The following ATP1A1 variants were observed in gnomAD, a reference collection of about 807,000 sequenced individuals.
The protein encoded by ATP1A1 is ATPase Na+/K+ transporting subunit alpha 1.
A neutral mutation model predicts 114.8 loss-of-function variants in ATP1A1; 14 were observed. That is an observed-to-expected ratio of 0.12 (90% CI 0.08 to 0.19). The LOEUF (loss-of-function observed/expected upper bound fraction) is 0.19, where lower values mean the gene tolerates loss of function less well. ATP1A1 is among the 10% of genes least tolerant of loss of function. The pLI is 1.00. For synonymous variants in ATP1A1, 471 were observed against 466.3 expected, an observed-to-expected ratio of 1.01 and a Z score of -0.13; for missense variants, 524 against 1,290.7, an observed-to-expected ratio of 0.41 and a Z score of 9.10.
In ATP1A1 at chr1:116,398,105, A is replaced by T; in HGVS notation, c.2124+67A>T. On this transcript the variant is annotated intron_variant, in intron 15 of 22. Transcript: ENST00000295598. The surrounding 1 kb of genome is among the most constrained non-coding windows in gnomAD (Gnocchi z 6.1). ...CTTTAGGGATTGGAGTTCCAGTGGAAACAGAGCAACGGTGATGGATGGATG... is the reference window on the plus strand; with the variant it reads ...CTTTAGGGATTGGAGTTCCAGTGGATACAGAGCAACGGTGATGGATGGATG... 1.9e-6 allele frequency: 3 copies of T among 1,583,840 alleles called. No individual in the cohort carries two copies. Among genetic ancestry groups the T allele is most frequent in the Middle Eastern group, 3.8e-4 (2 of 5,248 alleles).
chr1:116,378,965 T>C (rs752097869), intron 1 of ATP1A1, among the ~76,000 whole-genome samples: 2 of 152,228 alleles, frequency 1.3e-5, no homozygotes, highest in Non-Finnish European at 2.9e-5. Context: ...AATTTTCCAT[T>C]GAAGAAACTG....
In ATP1A1 at chr1:116,388,644, C is replaced by T; in HGVS notation, c.508C>T (p.Leu170Phe). The T allele has an allele frequency of 6.2e-7, 1 of 1,614,048 alleles. No individual in the cohort carries two copies. The highest frequency in any genetic ancestry group is 8.5e-7 in the Non-Finnish European group (1 of 1,179,994). ...SFKNMVPQQA[L>F]VIRNGEKMSI... ...AATTGTTTCTTTTCCAAAGCAAGCC[C>T]TTGTGATTCGAAATGGTGAGAAAAT... is the stretch of plus-strand genomic sequence containing the variant. The change falls in exon 6 of 23, where the codon CTT becomes TTT. Residue 170 changes from leucine to phenylalanine, a missense_variant. Transcript: ENST00000295598. This position sits in a 1 kb window ranked among gnomAD's most constrained non-coding sequence, Gnocchi z 5.6.
rs778162322 is a variant in ATP1A1 at position 116,387,788 on chromosome 1, C to T, written c.387+297C>T. Among the ~76,000 whole-genome samples, 10 of 152,224 alleles carry T rather than the reference C, an allele frequency of 6.6e-5. No homozygotes were observed. The highest frequency in any genetic ancestry group is 9.6e-5 in the African/African-American group (4 of 41,468). On this transcript the variant is annotated intron_variant, in intron 4 of 22. Coordinates refer to ENST00000295598, the MANE Select transcript of ATP1A1 (RefSeq NM_000701.8). This position sits in a 1 kb window ranked among gnomAD's most constrained non-coding sequence, Gnocchi z 6.7. ...CCACCCACTGGATGGCAGAGCACAGCGATTCATGTTGGCACATCCACCTGT... is the reference window on the plus strand; with the variant it reads ...CCACCCACTGGATGGCAGAGCACAGTGATTCATGTTGGCACATCCACCTGT...
intron 21 of ATP1A1, 100 bp from the exon 22 acceptor site, chr1:116,403,784 C>T (rs1459894538): frequency 9.5e-7 from 1 of 1,052,460 alleles, no homozygotes; most frequent in Non-Finnish European, 1.4e-6. Flanking sequence ...CTTCTCCTTT[C>T]AGGCTGATTA....
chr1:116,396,177 C>G (rs1413822488), intron 13 of ATP1A1, among the ~76,000 whole-genome samples: 2 of 151,706 alleles, frequency 1.3e-5, no homozygotes, highest in East Asian at 3.9e-4. Flanking sequence ...ATTTTGAATT[C>G]TTGTCACATG....
chr1:116,374,042 C>T, intron 1 of ATP1A1: 1 of 1,405,540 alleles, frequency 7.1e-7, no homozygotes, highest in South Asian at 1.6e-5. Flanking sequence ...GGCCTCCGTT[C>T]CCGCCGCGGC....
Position 116,396,564 on chromosome 1 carries a change from A to C in ATP1A1, c.1837-34A>C, listed in dbSNP as rs1570970496. 6 of 1,611,104 alleles carry C rather than the reference A, an allele frequency of 3.7e-6. No homozygotes were observed. The East Asian group carries it at 1.3e-4, about 36-fold the overall frequency. On this transcript the variant is annotated intron_variant, in intron 13 of 22. Coordinates refer to ENST00000295598, the MANE Select transcript of ATP1A1 (RefSeq NM_000701.8). ...AAGACTTTAAGGTCATTTACTTGGC[A>C]GTTGCATTCAACACATTGTCTTGTT... is the stretch of plus-strand genomic sequence containing the variant.
intron 1 of ATP1A1, chr1:116,383,182 C>T (rs888170519): frequency 5.8e-6 from 1 of 172,008 alleles, no homozygotes; most frequent in African/African-American, 2.4e-5. Flanking sequence ...TTCCTACATC[C>T]TGCTTATGTC....
chr1:116,373,485 C>T lies in ATP1A1; in HGVS notation c.-27C>T, dbSNP rs850600. Reference sequence around the variant, plus strand: ...TCTCTGATTCTCCAGCGACAGGACCCGGCGCCGGGCACTGAGCACCGCCAC... The same window carrying T: ...TCTCTGATTCTCCAGCGACAGGACCTGGCGCCGGGCACTGAGCACCGCCAC... On this transcript the variant is annotated 5_prime_UTR_variant, in exon 1 of 23. Coordinates refer to ENST00000295598, the MANE Select transcript of ATP1A1 (RefSeq NM_000701.8). 1 of 1,512,808 alleles carries T rather than the reference C, an allele frequency of 6.6e-7. No homozygotes were observed. Among genetic ancestry groups the T allele is most frequent in the Non-Finnish European group, 8.8e-7 (1 of 1,131,234 alleles). The allele number at this position is 1,512,808 out of a possible 1,614,324, so 93.7% of individuals were successfully genotyped here. A position where few individuals can be genotyped will look rare whatever the true frequency, so the allele number is the denominator to read the frequency against.
chr1:116,402,785 C>T (rs1384981254), intron 21 of ATP1A1, among the ~76,000 whole-genome samples: 1 of 152,216 alleles, frequency 6.6e-6, no homozygotes, highest in East Asian at 1.9e-4. Context: ...GGAGCTTGTC[C>T]CTCCAGGGCC....
In ATP1A1 at chr1:116,393,246, G is replaced by GGTAT. The variant is rs1652617352; in HGVS notation, c.1467+261_1467+264dup. ...GTGGGCATGTGGGGAGGTGGCTGGA[G>GGTAT]GTATGTGTACACAAGTGTTCCCCAA... On this transcript the variant is annotated intron_variant, in intron 11 of 22. Coordinates refer to ENST00000295598, the MANE Select transcript of ATP1A1 (RefSeq NM_000701.8). The surrounding 1 kb of genome is among the most constrained non-coding windows in gnomAD (Gnocchi z 5.0). Among the ~76,000 whole-genome samples, 1 of 151,964 alleles carries GGTAT rather than the reference G, an allele frequency of 6.6e-6. No individual in the cohort carries two copies. Among genetic ancestry groups the GGTAT allele is most frequent in the Non-Finnish European group, 1.5e-5 (1 of 67,998 alleles).
rs1653453769 is a variant in ATP1A1, at chr1:116,401,277, A to G, written c.2849+17A>G. The G allele has an allele frequency of 1.2e-6, 2 of 1,613,880 alleles. No individual in the cohort carries two copies. Among genetic ancestry groups the G allele is most frequent in the Non-Finnish European group, 1.7e-6 (2 of 1,179,746 alleles). ...GGGGATGAAGTAAGTAATGAAGGAC[A>G]TGTCAAGGCCTTGGCTCAAAGAAGG... On this transcript the variant is annotated intron_variant, in intron 20 of 22. Coordinates refer to ENST00000295598, the MANE Select transcript of ATP1A1 (RefSeq NM_000701.8). This position sits in a 1 kb window ranked among gnomAD's most constrained non-coding sequence, Gnocchi z 4.7.
chr1:116,395,788 A>G lies in ATP1A1; in HGVS notation c.1836+503A>G, dbSNP rs369184279. On this transcript the variant is annotated intron_variant, in intron 13 of 22. Transcript: ENST00000295598. This position sits in a 1 kb window ranked among gnomAD's most constrained non-coding sequence, Gnocchi z 6.4. ...ATTTTTTGAGACAGAGTCTTGCTCT[A>G]TTGCCCAGGCTGGAATGTCATAGCA... 1.3e-5 allele frequency among the ~76,000 whole-genome samples: 2 copies of G among 152,014 alleles called. No individual in the cohort carries two copies. Among genetic ancestry groups the G allele is most frequent in the African/African-American group, 2.4e-5 (1 of 41,356 alleles).
At position 116,398,124 on chromosome 1, in the gene ATP1A1, A is replaced by G. The variant is rs1457246284; in HGVS notation, c.2124+86A>G. ...AGTGGAAACAGAGCAACGGTGATGG[A>G]TGGATGCATACCTCGCTGTATTAGA... is the stretch of plus-strand genomic sequence containing the variant. On this transcript the variant is annotated intron_variant, in intron 15 of 22. Transcript: ENST00000295598. The surrounding 1 kb of genome is among the most constrained non-coding windows in gnomAD (Gnocchi z 6.1). 3 of 1,536,430 alleles carry G rather than the reference A, an allele frequency of 2.0e-6. No homozygotes were observed. The African/African-American group carries it at 4.1e-5, about 21-fold the overall frequency.
Position 116,398,572 on chromosome 1 carries a change from C to A in ATP1A1, c.2125-49C>A. 1.9e-6 allele frequency: 3 copies of A among 1,584,460 alleles called. No individual in the cohort carries two copies. The highest frequency in any genetic ancestry group is 2.6e-6 in the Non-Finnish European group (3 of 1,162,100). ...GGGGCATGCATCGCACTATTTCCATCGCTAGGAAAAGTGATTGGTATTAAC... is the reference window on the plus strand; with the variant it reads ...GGGGCATGCATCGCACTATTTCCATAGCTAGGAAAAGTGATTGGTATTAAC... On this transcript the variant is annotated intron_variant, in intron 15 of 22. Coordinates refer to ENST00000295598, the MANE Select transcript of ATP1A1 (RefSeq NM_000701.8). This position sits in a 1 kb window ranked among gnomAD's most constrained non-coding sequence, Gnocchi z 6.1.
Position 116,390,205 on chromosome 1 carries a change from T to C in ATP1A1, c.1024-8T>C. 1.9e-6 allele frequency: 3 copies of C among 1,613,220 alleles called. No individual in the cohort carries two copies. Among genetic ancestry groups the C allele is most frequent in the Non-Finnish European group, 2.5e-6 (3 of 1,179,280 alleles). On this transcript the variant is annotated splice_polypyrimidine_tract_variant and splice_region_variant and intron_variant, in intron 8 of 22. Coordinates refer to ENST00000295598, the MANE Select transcript of ATP1A1 (RefSeq NM_000701.8). Reference sequence around the variant, plus strand: ...GAGTGAAGTAATAATCTTCCTAATATTTTTTAGGTCTGTCTGACACTTACT... The same window carrying C: ...GAGTGAAGTAATAATCTTCCTAATACTTTTTAGGTCTGTCTGACACTTACT...
In ATP1A1 at chr1:116,390,820, C is replaced by G. The variant is rs764635041; in HGVS notation, c.1261C>G (p.Leu421Val). The G allele has an allele frequency of 3.7e-6, 6 of 1,614,216 alleles. No individual in the cohort carries two copies. The highest frequency in any genetic ancestry group is 1.3e-5 in the African/African-American group (1 of 75,064). The change falls in exon 10 of 23, where the codon CTG becomes GTG. Residue 421 changes from leucine to valine, a missense_variant. This residue lies in a region of ATP1A1 where 143 missense variants were observed against 259.3 expected (regional missense o/e 0.55). Transcript: ENST00000295598. ...CAAGACTTCAGCTACCTGGCTTGCT[C>G]TGTCCAGAATTGCAGGTCTTTGTAA... ...FDKTSATWLA[L>V]SRIAGLCNRA...
At chr1:116,374,038 C>G (rs1345007148) in intron 1 of ATP1A1, 1 of 1,407,640 alleles carries the variant, frequency 7.1e-7, no homozygotes, top group Admixed American at 3.0e-5. Context: ...CCCGGGCCTC[C>G]GTTCCCGCCG....
In ATP1A1 at chr1:116,401,962, A is replaced by G. The variant is rs2101068091; in HGVS notation, c.2951+307A>G. On this transcript the variant is annotated intron_variant, in intron 21 of 22. Coordinates refer to ENST00000295598, the MANE Select transcript of ATP1A1 (RefSeq NM_000701.8). This position sits in a 1 kb window ranked among gnomAD's most constrained non-coding sequence, Gnocchi z 4.7. ...CTCAGGTCTGCCACAGCTGTAGTCC[A>G]GTTGTCTTTAGAGGCCAACTGGGGG... The G allele has an allele frequency of 6.4e-6, 2 of 311,658 alleles. No homozygotes were observed. The highest frequency in any genetic ancestry group is 1.3e-4 in the South Asian group (2 of 15,036). 19.3% of individuals were successfully genotyped at this position (311,658 alleles called of 1,614,324 possible). A position where few individuals can be genotyped will look rare whatever the true frequency, so the allele number is the denominator to read the frequency against.
Sources: gnomAD v4.1 joint callset for allele counts (sites outside exome capture counted in the v4.1 genomes callset) on GRCh38, gnomAD v4.1.1 for gene constraint, gnomAD v4.1.1 regional missense constraint, Gnocchi (gnomAD v3.1) non-coding constraint, MANE v1.5 for transcripts, NCBI Gene and HGNC (gene_info 2026-07-23, HGNC 2026-07-21) for gene names.